KCNQ3: variants seen among roughly 807,000 people sequenced by gnomAD.
KCNQ3 encodes potassium voltage-gated channel subfamily KQT member 3.
Under a neutral mutation model 92.5 loss-of-function variants are expected in KCNQ3, and 30 were observed. The ratio of observed to expected loss-of-function variants is 0.32; its 90% CI spans 0.24 to 0.44. The LOEUF (loss-of-function observed/expected upper bound fraction) is 0.44, where lower values mean the gene tolerates loss of function less well. Among genes scored for constraint, KCNQ3 ranks in the 20% least tolerant of loss-of-function variants. KCNQ3 has a pLI of 1.00. For missense variants in KCNQ3, 913 were observed against 1,140.3 expected (o/e 0.80, Z 2.87); for synonymous variants, 450 against 468.8 (o/e 0.96, Z 0.52).
intron 1 of KCNQ3, among the ~76,000 whole-genome samples, chr8:132,453,389 A>G (rs1563917488): frequency 6.6e-6 from 1 of 152,146 alleles, no homozygotes; most frequent in Non-Finnish European, 1.5e-5. Flanking sequence ...GACAGAAGAG[A>G]AGTCAGGACA....
chr8:132,185,219 C>T (rs890373414), intron 2 of KCNQ3, among the ~76,000 whole-genome samples: 4 of 152,200 alleles, frequency 2.6e-5, no homozygotes, highest in Admixed American at 6.5e-5. Flanking sequence ...TCTGGTGCCT[C>T]GATGGCTTGC....
intron 1 of KCNQ3, among the ~76,000 whole-genome samples, chr8:132,248,033 G>A (rs1293063072): frequency 2.0e-5 from 3 of 152,016 alleles, no homozygotes; most frequent in Non-Finnish European, 4.4e-5. Context: ...CAAAGTTTAC[G>A]CTGCCAGGAA....
In KCNQ3 at chr8:132,438,752, G is replaced by A. The variant is rs73347740; in HGVS notation, c.386+41395C>T. Reference sequence around the variant, plus strand: ...GTCAATGAAAGGAAATGTGGTCAGCGTAAGACTCTCTAAGGATAGCTGCCG... The same window carrying A: ...GTCAATGAAAGGAAATGTGGTCAGCATAAGACTCTCTAAGGATAGCTGCCG... On this transcript the variant is annotated intron_variant, in intron 1 of 14. Transcript: ENST00000388996. Among the ~76,000 whole-genome samples, 339 of 152,038 alleles carry A rather than the reference G, an allele frequency of 2.2e-3. 2 individuals are homozygous for A. The highest frequency in any genetic ancestry group is 7.7e-3 in the African/African-American group (320 of 41,444).
chr8:132,296,667 G>C (rs1241035812), intron 1 of KCNQ3, among the ~76,000 whole-genome samples: 1 of 151,870 alleles, frequency 6.6e-6, no homozygotes, highest in African/African-American at 2.4e-5. Context: ...GTGATAGTTT[G>C]CTGAGAATGA....
At chr8:132,289,501 C>G (rs1816780987) in intron 1 of KCNQ3, among the ~76,000 whole-genome samples, 1 of 152,164 alleles carries the variant, frequency 6.6e-6, no homozygotes. Flanking sequence ...ATTCCAAACT[C>G]TGCACTGTTT....
At chr8:132,258,617 T>C (rs1410146973) in intron 1 of KCNQ3, among the ~76,000 whole-genome samples, 3 of 151,432 alleles carry the variant, frequency 2.0e-5, no homozygotes, top group Non-Finnish European at 4.4e-5. Context: ...AAATAGCAAA[T>C]GAACCGTAAA....
At chr8:132,297,235 GTTGT>G (rs1336916351) in intron 1 of KCNQ3, among the ~76,000 whole-genome samples, 11 of 152,070 alleles carry the variant, frequency 7.2e-5, no homozygotes, top group Admixed American at 5.9e-4. Flanking sequence ...TTTTGATGGG[GTTGT>G]TTGTTTTTTT....
At chr8:132,422,185 C>A (rs188130360) in intron 1 of KCNQ3, among the ~76,000 whole-genome samples, 1 of 152,190 alleles carries the variant, frequency 6.6e-6, no homozygotes, top group Non-Finnish European at 1.5e-5. Context: ...GGAAATGACA[C>A]CACCATCTAA....
chr8:132,319,669 T>C (rs1372199861), intron 1 of KCNQ3, among the ~76,000 whole-genome samples: 1 of 152,202 alleles, frequency 6.6e-6, no homozygotes, highest in East Asian at 1.9e-4. Flanking sequence ...GATGATGTGA[T>C]GGATGATGGC....
At chr8:132,236,002 C>T (rs1018540025) in intron 1 of KCNQ3, among the ~76,000 whole-genome samples, 1 of 152,220 alleles carries the variant, frequency 6.6e-6, no homozygotes, top group Non-Finnish European at 1.5e-5. Flanking sequence ...CTCTAAGACC[C>T]AGCACATGCC....
intron 1 of KCNQ3, among the ~76,000 whole-genome samples, chr8:132,391,194 G>C (rs1004805576): frequency 1.4e-4 from 22 of 152,296 alleles, no homozygotes; most frequent in Non-Finnish European, 2.5e-4. Flanking sequence ...TGGGCACAAT[G>C]CTATTTTGAG....
intron 9 of KCNQ3, among the ~76,000 whole-genome samples, chr8:132,146,646 T>G (rs1263618679): frequency 6.6e-6 from 1 of 151,604 alleles, no homozygotes; most frequent in African/African-American, 2.4e-5. Flanking sequence ...CAGGCTGGAA[T>G]GCAATGGTGT....
At chr8:132,282,035 T>C (rs185303454) in intron 1 of KCNQ3, among the ~76,000 whole-genome samples, 120 of 152,294 alleles carry the variant, frequency 7.9e-4, no homozygotes, top group African/African-American at 2.8e-3. Flanking sequence ...GGCTTCAATG[T>C]ACTTGCACCA....
chr8:132,219,089 G>A (rs184388505), intron 1 of KCNQ3, among the ~76,000 whole-genome samples: 2 of 152,286 alleles, frequency 1.3e-5, no homozygotes, highest in East Asian at 3.9e-4. Flanking sequence ...AAGTGATTTG[G>A]CTAAGGTCAA....
chr8:132,426,835 G>A (rs574962001), intron 1 of KCNQ3, among the ~76,000 whole-genome samples: 1 of 152,286 alleles, frequency 6.6e-6, no homozygotes, highest in African/African-American at 2.4e-5. Context: ...CTTGAGAGTG[G>A]ATGGTTGATA....
At chr8:132,163,529 A>AATT in intron 8 of KCNQ3, 35 bp from the exon 9 acceptor site, 4 of 1,566,656 alleles carry the variant, frequency 2.6e-6, no homozygotes, top group Non-Finnish European at 3.5e-6. Flanking sequence ...ATAAAGCATA[A>AATT]ATTACGTGAA....
At chr8:132,480,053 G>T in intron 1 of KCNQ3, 94 bp downstream of exon 1, 1 of 1,258,364 alleles carries the variant, frequency 7.9e-7, no homozygotes, top group Non-Finnish European at 1.1e-6. Context: ...GCATCCATGG[G>T]TCTTAAAGCC....
chr8:132,253,671 A>G (rs1815488355), intron 1 of KCNQ3, among the ~76,000 whole-genome samples: 1 of 152,076 alleles, frequency 6.6e-6, no homozygotes, highest in Non-Finnish European at 1.5e-5. Flanking sequence ...TCCTCTCCTC[A>G]GTGTGCTTAG....
At chr8:132,402,626 C>T (rs921083560) in intron 1 of KCNQ3, among the ~76,000 whole-genome samples, 2 of 152,066 alleles carry the variant, frequency 1.3e-5, no homozygotes, top group African/African-American at 2.4e-5. Context: ...CTGTAGGATA[C>T]TATAATGGTG....
Sources: allele counts gnomAD v4.1 joint callset (sites outside exome capture counted in the v4.1 genomes callset), GRCh38; gene constraint gnomAD v4.1.1; transcripts MANE v1.5; gene names NCBI Gene and HGNC (gene_info 2026-07-23, HGNC 2026-07-21).